RIGI: variants seen among roughly 807,000 people sequenced by gnomAD.
RIGI encodes the protein antiviral innate immune response receptor RIG-I.
At chr9:32,487,096 C>T in the RIGI span, among the ~76,000 whole-genome samples, 1 of 152,126 alleles carries the variant, frequency 6.6e-6, no homozygotes, top group African/African-American at 2.4e-5. Flanking sequence ...CTAAAATGAT[C>T]AAATACATAT....
the RIGI span, among the ~76,000 whole-genome samples, chr9:32,519,908 C>T: frequency 6.6e-6 from 1 of 152,018 alleles, no homozygotes; most frequent in Non-Finnish European, 1.5e-5. Flanking sequence ...AAGTGTTATG[C>T]CAGTTTGAAG....
chr9:32,485,672 C>G, the RIGI span: 1 of 379,340 alleles, frequency 2.6e-6, no homozygotes, highest in African/African-American at 2.1e-5. Context: ...TCCCAAGTAG[C>G]TGGGACAACA....
the RIGI span, among the ~76,000 whole-genome samples, chr9:32,467,280 A>G: frequency 6.6e-6 from 1 of 152,236 alleles, no homozygotes; most frequent in Non-Finnish European, 1.5e-5. Flanking sequence ...GTGTTTCAAT[A>G]CAAGGAAGTG....
At chr9:32,485,434 C>A in the RIGI span, 1 of 651,488 alleles carries the variant, frequency 1.5e-6, no homozygotes, top group Non-Finnish European at 2.7e-6. Flanking sequence ...GGCAGGTGGT[C>A]CAGATGATAC....
chr9:32,524,027 CTCTT>C, the RIGI span, among the ~76,000 whole-genome samples: 1 of 151,962 alleles, frequency 6.6e-6, no homozygotes. Flanking sequence ...CTAATTTTTC[CTCTT>C]TCTTTAGACC....
chr9:32,476,042 T>C, the RIGI span, among the ~76,000 whole-genome samples: 1 of 152,026 alleles, frequency 6.6e-6, no homozygotes, highest in Non-Finnish European at 1.5e-5. Context: ...CCAAGGCAGT[T>C]ACAGATCGCT....
the RIGI span, among the ~76,000 whole-genome samples, chr9:32,506,614 G>A: frequency 6.6e-6 from 1 of 152,022 alleles, no homozygotes; most frequent in African/African-American, 2.4e-5. Flanking sequence ...AATCTGGTTT[G>A]TTTTTCCAGT....
the RIGI span, among the ~76,000 whole-genome samples, chr9:32,496,566 C>T: frequency 1.3e-5 from 2 of 152,194 alleles, no homozygotes; most frequent in Admixed American, 1.3e-4. Context: ...CTGAATTACA[C>T]CAACTGCTCT....
At chr9:32,466,417 T>C in the RIGI span, 8 of 1,612,460 alleles carry the variant, frequency 5.0e-6, no homozygotes, top group Non-Finnish European at 6.8e-6. Context: ...AAGGAAGCAC[T>C]TGCTACCTCT....
the RIGI span, among the ~76,000 whole-genome samples, chr9:32,499,237 C>CT: frequency 7.0e-5 from 10 of 143,442 alleles, no homozygotes; most frequent in Middle Eastern, 3.6e-3. Flanking sequence ...GATTTTAAGA[C>CT]TTTTTTTAAT....
the RIGI span, among the ~76,000 whole-genome samples, chr9:32,519,897 C>A: frequency 6.6e-6 from 1 of 152,098 alleles, no homozygotes; most frequent in African/African-American, 2.4e-5. Context: ...TATGTACATA[C>A]AAGTGTTATG....
chr9:32,466,446 T>C, the RIGI span: 1 of 1,592,934 alleles, frequency 6.3e-7, no homozygotes, highest in Middle Eastern at 1.7e-4. Context: ...CTCTGCCTAT[T>C]AGAAAATAAA....
At chr9:32,471,462 G>A in the RIGI span, among the ~76,000 whole-genome samples, 9 of 151,580 alleles carry the variant, frequency 5.9e-5, no homozygotes, top group South Asian at 1.5e-3. Flanking sequence ...ATTATGGCTT[G>A]TCAGATAAAA....
the RIGI span, among the ~76,000 whole-genome samples, chr9:32,476,003 G>A: frequency 1.4e-4 from 21 of 152,060 alleles, no homozygotes; most frequent in Non-Finnish European, 2.8e-4. Flanking sequence ...TCAAAAGATT[G>A]GTTTTCAAAG....
chr9:32,462,850 T>G, the RIGI span, among the ~76,000 whole-genome samples: 1 of 152,198 alleles, frequency 6.6e-6, no homozygotes, highest in Non-Finnish European at 1.5e-5. Flanking sequence ...CTAGAATGTT[T>G]TGATTTAAAA....
chr9:32,459,430 GT>G, the RIGI span: 2 of 1,613,790 alleles, frequency 1.2e-6, no homozygotes, highest in Non-Finnish European at 1.7e-6. Flanking sequence ...CTGCAGAGCA[GT>G]TTTTTATTTT....
the RIGI span, among the ~76,000 whole-genome samples, chr9:32,463,898 C>G: frequency 4.4e-5 from 1 of 22,682 alleles, no homozygotes; most frequent in African/African-American, 1.2e-4. Context: ...TCAAATAAAC[C>G]TTCACAACCA....
At chr9:32,488,967 T>G in the RIGI span, 1 of 1,201,882 alleles carries the variant, frequency 8.3e-7, no homozygotes, top group Admixed American at 2.7e-5. Context: ...TTTTTGGCTC[T>G]TCTAATACCA....
the RIGI span, chr9:32,485,313 AAG>A: frequency 7.1e-7 from 1 of 1,417,186 alleles, no homozygotes; most frequent in African/African-American, 1.4e-5. Context: ...AAAAGAAAAA[AAG>A]AGTGAGTATA....
Sources: allele counts gnomAD v4.1 joint callset (sites outside exome capture counted in the v4.1 genomes callset), GRCh38; gene constraint gnomAD v4.1.1; transcripts MANE v1.5; gene names NCBI Gene and HGNC (gene_info 2026-07-23, HGNC 2026-07-21).